The following COL21A1 variants were observed in gnomAD, a reference collection of about 807,000 sequenced individuals.
The protein encoded by COL21A1 is collagen alpha-1(XXI) chain.
COL21A1 carries 149 observed loss-of-function variants against 137.9 expected under a neutral mutation model. That is an observed-to-expected ratio of 1.08 (90% confidence interval 0.95 to 1.24). COL21A1 has a LOEUF of 1.24. Ranked by LOEUF, COL21A1 falls within the 50% of genes most tolerant of loss-of-function variation. The probability of loss-of-function intolerance (pLI) is 0.00; values close to 1 mark genes in which losing one functional copy is unlikely to be tolerated. For missense variants in COL21A1, 1,167 were observed against 1,158.4 expected, an observed-to-expected ratio of 1.01 and a Z score of -0.11; for synonymous variants, 456 against 391.5, an observed-to-expected ratio of 1.16 and a Z score of -1.95.
At chr6:56,211,505 C>A (rs1294857461) in intron 1 of COL21A1, among the ~76,000 whole-genome samples, 1 of 151,882 alleles carries the variant, frequency 6.6e-6, no homozygotes, top group Non-Finnish European at 1.5e-5. Flanking sequence ...ACAGAGCATG[C>A]AGGGTAGTAA....
intron 1 of COL21A1, among the ~76,000 whole-genome samples, chr6:56,343,430 C>T (rs762371807): frequency 7.2e-5 from 11 of 152,216 alleles, no homozygotes; most frequent in Non-Finnish European, 8.8e-5. Context: ...TAAAAAATTG[C>T]ATGCTTCTCA....
intron 1 of COL21A1, among the ~76,000 whole-genome samples, chr6:56,339,675 A>G (rs1562063595): frequency 6.6e-6 from 1 of 152,234 alleles, no homozygotes; most frequent in Admixed American, 6.5e-5. Flanking sequence ...ATTTCCAGAC[A>G]TTTATATTCA....
rs146717098 is a variant in COL21A1, at chr6:56,334,028, T to TTGAATAGTATGGAGTTTCAGTA, written c.-39+59942_-39+59943insTACTGAAACTCCATACTATTCA. ...AGATAGATACAGTGTATGCTTTGCA[T>TTGAATAGTATGGAGTTTCAGTA]ATGACAGTATGGAGTTTCAGTAAAG... is the stretch of plus-strand genomic sequence containing the variant. On this transcript the variant is annotated intron_variant, in intron 1 of 28. Transcript: ENST00000370819. Among the ~76,000 whole-genome samples the TTGAATAGTATGGAGTTTCAGTA allele has an allele frequency of 3.3e-5, 5 of 151,524 alleles. No homozygotes were observed. The East Asian group carries it at 9.7e-4, about 29-fold the overall frequency.
At chr6:56,212,011 A>C (rs911946793) in intron 1 of COL21A1, among the ~76,000 whole-genome samples, 1 of 152,110 alleles carries the variant, frequency 6.6e-6, no homozygotes, top group Non-Finnish European at 1.5e-5. Flanking sequence ...GTATCAACTC[A>C]AATTTCCTGG....
At chr6:56,180,864 C>T (rs1777839281) in intron 2 of COL21A1, among the ~76,000 whole-genome samples, 1 of 152,192 alleles carries the variant, frequency 6.6e-6, no homozygotes, top group Admixed American at 6.5e-5. Flanking sequence ...GTTAGCCATT[C>T]CAAACTATTG....
At chr6:56,291,771 T>C (rs564679955) in intron 1 of COL21A1, among the ~76,000 whole-genome samples, 32 of 152,346 alleles carry the variant, frequency 2.1e-4, no homozygotes, top group South Asian at 1.9e-3. Context: ...AGTTATCTCC[T>C]GTTAGTCAGT....
chr6:56,208,312 A>C (rs1779927239), intron 1 of COL21A1, among the ~76,000 whole-genome samples: 1 of 152,228 alleles, frequency 6.6e-6, no homozygotes, highest in South Asian at 2.1e-4. Flanking sequence ...TTAAGCTGAT[A>C]AGCAACTTCA....
At chr6:56,155,038 T>C (rs1275289026) in intron 10 of COL21A1, among the ~76,000 whole-genome samples, 1 of 152,142 alleles carries the variant, frequency 6.6e-6, no homozygotes, top group African/African-American at 2.4e-5. Flanking sequence ...TAGTACCCAT[T>C]AGTTATTATT....
intron 1 of COL21A1, among the ~76,000 whole-genome samples, chr6:56,325,548 C>CTATA (rs1765024633): frequency 0.06 from 18 of 302 alleles, 3 homozygotes; most frequent in South Asian, 0.5. Flanking sequence ...ATATATAATA[C>CTATA]ATATATAATA....
intron 1 of COL21A1, among the ~76,000 whole-genome samples, chr6:56,209,318 A>G (rs2152304533): frequency 1.3e-5 from 2 of 152,306 alleles, no homozygotes; most frequent in East Asian, 3.9e-4. Context: ...ACAGCAAAAG[A>G]AACTACCATT....
At chr6:56,122,796 A>G (rs1772668023) in intron 16 of COL21A1, among the ~76,000 whole-genome samples, 1 of 152,176 alleles carries the variant, frequency 6.6e-6, no homozygotes, top group African/African-American at 2.4e-5. Context: ...ATTTTTTGCC[A>G]GGAACTGTGC....
chr6:56,146,748 A>C (rs1465526945), intron 10 of COL21A1, among the ~76,000 whole-genome samples: 1 of 152,172 alleles, frequency 6.6e-6, no homozygotes, highest in East Asian at 1.9e-4. Context: ...AAGCTGAAAA[A>C]CATATTGGAA....
intron 1 of COL21A1, among the ~76,000 whole-genome samples, chr6:56,293,294 A>C (rs1385710498): frequency 2.0e-5 from 3 of 152,166 alleles, no homozygotes; most frequent in African/African-American, 4.8e-5. Flanking sequence ...ATTTTATACG[A>C]TCATTGTCTT....
intron 1 of COL21A1, among the ~76,000 whole-genome samples, chr6:56,315,839 T>C (rs1448764687): frequency 6.6e-6 from 1 of 152,172 alleles, no homozygotes; most frequent in Non-Finnish European, 1.5e-5. Flanking sequence ...TAATCAAAAT[T>C]TGCTGAGAGG....
intron 9 of COL21A1, among the ~76,000 whole-genome samples, chr6:56,159,707 T>C (rs1776053383): frequency 6.6e-6 from 1 of 150,972 alleles, no homozygotes; most frequent in Non-Finnish European, 1.5e-5. Flanking sequence ...TTGTCTGATA[T>C]GCTTCAAATA....
intron 1 of COL21A1, among the ~76,000 whole-genome samples, chr6:56,387,622 G>A (rs1395532236): frequency 6.6e-6 from 1 of 152,164 alleles, no homozygotes; most frequent in African/African-American, 2.4e-5. Flanking sequence ...GGGAGAAAGA[G>A]ACCTAAGTGA....
chr6:56,100,826 A>G (rs1770392213), intron 17 of COL21A1, among the ~76,000 whole-genome samples: 1 of 152,160 alleles, frequency 6.6e-6, no homozygotes, highest in Admixed American at 6.5e-5. Context: ...TCTCAACTGA[A>G]CACTTTGTGA....
At chr6:56,279,764 C>T (rs1221287971) in intron 1 of COL21A1, among the ~76,000 whole-genome samples, 2 of 152,230 alleles carry the variant, frequency 1.3e-5, no homozygotes, top group African/African-American at 2.4e-5. Flanking sequence ...AGTGAGAACA[C>T]TGAGATGCCA....
rs541621237 is a variant in COL21A1 at position 56,322,968 on chromosome 6, G to A, written c.-39+71003C>T. Among the ~76,000 whole-genome samples the A allele has an allele frequency of 1.6e-3, 234 of 150,774 alleles. 1 individual carries two copies. Among genetic ancestry groups the A allele is most frequent in the Non-Finnish European group, 1.6e-3 (111 of 67,790 alleles). On this transcript the variant is annotated intron_variant, in intron 1 of 28. Coordinates refer to the COL21A1 transcript ENST00000370819. Reference sequence around the variant, plus strand: ...TTTTTATTAATAAGAGCTAAGTAATGTGTACACACAGACATAGAGAGTGGA... The same window carrying A: ...TTTTTATTAATAAGAGCTAAGTAATATGTACACACAGACATAGAGAGTGGA...
Sources: allele counts gnomAD v4.1 joint callset (sites outside exome capture counted in the v4.1 genomes callset), GRCh38; gene constraint gnomAD v4.1.1; transcripts MANE v1.5; gene names NCBI Gene and HGNC (gene_info 2026-07-23, HGNC 2026-07-21).